Variants in PBX1 observed in about 807,000 individuals in gnomAD.
PBX1 encodes pre-B-cell leukemia transcription factor 1.
A neutral mutation model predicts 53.4 loss-of-function variants in PBX1; 6 were observed. The ratio of observed to expected loss-of-function variants is 0.11; its 90% CI spans 0.06 to 0.22. The LOEUF is 0.22. Among genes scored for constraint, PBX1 ranks in the 10% least tolerant of loss-of-function variants. The pLI, the probability that PBX1 is intolerant of heterozygous loss-of-function variation, is 1.00. For synonymous variants in PBX1, 204 were observed against 212.3 expected (o/e 0.96, Z 0.34); for missense variants, 251 against 551.4 (o/e 0.46, Z 5.46).
intron 2 of PBX1, among the ~76,000 whole-genome samples, chr1:164,693,686 C>T (rs1203551909): frequency 3.9e-5 from 6 of 152,154 alleles, no homozygotes; most frequent in Non-Finnish European, 8.8e-5. Context: ...CATCTGCAGC[C>T]TTCACACACT....
chr1:164,882,654 G>T (rs1672687988), intron 2 of PBX1, among the ~76,000 whole-genome samples: 1 of 152,030 alleles, frequency 6.6e-6, no homozygotes. Flanking sequence ...TGATTAGGCT[G>T]GCCTCCAACT....
chr1:164,685,687 C>T (rs1004497145), intron 2 of PBX1, among the ~76,000 whole-genome samples: 1 of 152,162 alleles, frequency 6.6e-6, no homozygotes, highest in African/African-American at 2.4e-5. Context: ...CAGCAGTTCT[C>T]AATTATTGAA....
intron 2 of PBX1, among the ~76,000 whole-genome samples, chr1:164,732,870 G>A (rs996651484): frequency 7.3e-5 from 11 of 150,598 alleles, no homozygotes; most frequent in Non-Finnish European, 1.2e-4. Flanking sequence ...TTTTTATGTC[G>A]TCTGAATTCT....
intron 2 of PBX1, among the ~76,000 whole-genome samples, chr1:164,872,153 G>A (rs745962424): frequency 5.9e-5 from 9 of 152,038 alleles, no homozygotes; most frequent in African/African-American, 1.2e-4. Flanking sequence ...GGGGCACTTC[G>A]GCTACAGATT....
At chr1:164,793,573 C>T (rs138102908) in intron 3 of PBX1, among the ~76,000 whole-genome samples, 1 of 152,090 alleles carries the variant, frequency 6.6e-6, no homozygotes, top group African/African-American at 2.4e-5. Context: ...TATAACAGAG[C>T]CCCTCTCTAA....
At chr1:164,801,133 G>A (rs1669048976) in intron 4 of PBX1, among the ~76,000 whole-genome samples, 1 of 152,082 alleles carries the variant, frequency 6.6e-6, no homozygotes, top group Non-Finnish European at 1.5e-5. Flanking sequence ...TGTAACTCTG[G>A]GCCAGTAGAA....
At chr1:164,870,354 T>TTTCTTTCTTTCTTTCC (rs1672351460) in intron 2 of PBX1, among the ~76,000 whole-genome samples, 1 of 95,426 alleles carries the variant, frequency 1.0e-5, no homozygotes, top group Non-Finnish European at 2.2e-5. Context: ...TCTTTCTTTC[T>TTTCTTTCTTTCTTTCC]TTCTTTCGAG....
chr1:164,596,056 TG>T (rs1434183535), intron 2 of PBX1, among the ~76,000 whole-genome samples: 1 of 151,582 alleles, frequency 6.6e-6, no homozygotes, highest in African/African-American at 2.4e-5. Context: ...AGGGAAAAAT[TG>T]GATATGTGTT....
At chr1:164,632,703 AT>A (rs1197280856) in intron 2 of PBX1, among the ~76,000 whole-genome samples, 1 of 152,152 alleles carries the variant, frequency 6.6e-6, no homozygotes, top group Non-Finnish European at 1.5e-5. Context: ...TTTTATAATG[AT>A]TAATACACTA....
downstream of PBX1, among the ~76,000 whole-genome samples, chr1:164,855,942 T>TC (rs1344318357): frequency 2.0e-5 from 3 of 152,190 alleles, no homozygotes; most frequent in East Asian, 5.8e-4. Context: ...GGCTCCCGCC[T>TC]CCCCCTTGGT....
At chr1:164,777,692 C>T (rs1443577074) in intron 2 of PBX1, among the ~76,000 whole-genome samples, 1 of 152,216 alleles carries the variant, frequency 6.6e-6, no homozygotes, top group Non-Finnish European at 1.5e-5. Flanking sequence ...GGATAACTAC[C>T]TGTCTGATCT....
intron 2 of PBX1, among the ~76,000 whole-genome samples, chr1:164,752,730 G>C (rs1666302124): frequency 6.6e-6 from 1 of 152,102 alleles, no homozygotes; most frequent in Non-Finnish European, 1.5e-5. Flanking sequence ...AGAATTGAAG[G>C]GGCAATTTTG....
At chr1:164,724,148 C>T (rs1281625859) in intron 2 of PBX1, among the ~76,000 whole-genome samples, 4 of 152,168 alleles carry the variant, frequency 2.6e-5, no homozygotes, top group Non-Finnish European at 1.5e-5. Flanking sequence ...AAATGTGATA[C>T]TGGGTTACAA....
chr1:164,877,468 G>T (rs553105643), intron 2 of PBX1, among the ~76,000 whole-genome samples: 37 of 152,200 alleles, frequency 2.4e-4, no homozygotes, highest in Admixed American at 7.2e-4. Flanking sequence ...TTCAAGACTT[G>T]CCTGGCCAAC....
chr1:164,766,103 T>A (rs775332928), intron 2 of PBX1, among the ~76,000 whole-genome samples: 1 of 152,168 alleles, frequency 6.6e-6, no homozygotes, highest in Non-Finnish European at 1.5e-5. Flanking sequence ...TTTAATAAAT[T>A]TGTGACTTGG....
chr1:164,570,219 T>A (rs1021459613), intron 2 of PBX1, among the ~76,000 whole-genome samples: 6 of 152,320 alleles, frequency 3.9e-5, no homozygotes, highest in African/African-American at 1.4e-4. Flanking sequence ...TTTCTTTTTT[T>A]AAATTATACT....
intron 2 of PBX1, among the ~76,000 whole-genome samples, chr1:164,594,944 G>A (rs1655656746): frequency 6.6e-6 from 1 of 152,136 alleles, no homozygotes; most frequent in African/African-American, 2.4e-5. Context: ...AATGAAACAC[G>A]TCTCCCTCCA....
At position 164,563,220 on chromosome 1, in the gene PBX1, G is replaced by A; in HGVS notation, c.192-18G>A. On this transcript the variant is annotated intron_variant, in intron 1 of 8. Transcript: ENST00000420696. ...CTTGAGAGTCCACCTAAGCTATCATGTTGTTTCTTTCTTGCAGAAAACATG... is the reference window on the plus strand; with the variant it reads ...CTTGAGAGTCCACCTAAGCTATCATATTGTTTCTTTCTTGCAGAAAACATG... The A allele has an allele frequency of 1.3e-6, 2 of 1,589,988 alleles. No homozygotes were observed. Among genetic ancestry groups the A allele is most frequent in the Non-Finnish European group, 1.7e-6 (2 of 1,159,766 alleles).
rs1300110152 is a variant in PBX1, at chr1:164,821,640, C to G, written c.1200+14C>G. 5 of 1,591,130 alleles carry G rather than the reference C, an allele frequency of 3.1e-6. No individual in the cohort carries two copies. The African/African-American group carries it at 6.7e-5, about 21-fold the overall frequency. On this transcript the variant is annotated intron_variant, in intron 8 of 8. Coordinates refer to ENST00000420696, the MANE Select transcript of PBX1 (RefSeq NM_002585.4). Reference sequence around the variant, plus strand: ...CAGGGCATCAGTGTAAGAAAACAAGCCCCCCCACCCCCTGCTTTGTTTTTA... The same window carrying G: ...CAGGGCATCAGTGTAAGAAAACAAGGCCCCCCACCCCCTGCTTTGTTTTTA...
Sources: allele counts gnomAD v4.1 joint callset (sites outside exome capture counted in the v4.1 genomes callset), GRCh38; gene constraint gnomAD v4.1.1; transcripts MANE v1.5; gene names NCBI Gene and HGNC (gene_info 2026-07-23, HGNC 2026-07-21).